The following TAF6 variants were observed in gnomAD, a reference collection of about 807,000 sequenced individuals.
TAF6 encodes TATA-box binding protein associated factor 6, also known as transcription initiation factor TFIID subunit 6.
In TAF6, 50 loss-of-function variants were observed where a neutral mutation model predicts 73.5. That is an observed-to-expected ratio of 0.68 (90% CI 0.54 to 0.86). The LOEUF is 0.86. Ranked by LOEUF, TAF6 falls within the 40% of genes least tolerant of loss-of-function variation. TAF6 has a pLI of 0.00. For synonymous variants in TAF6, 424 were observed against 376.7 expected (o/e 1.13, Z -1.45); for missense variants, 768 against 899.5 (o/e 0.85, Z 1.87).
intron 14 of TAF6, 106 bp from the exon 15 acceptor site, chr7:100,107,729 A>G (rs1426089400): frequency 2.7e-5 from 40 of 1,497,022 alleles, no homozygotes; most frequent in Non-Finnish European, 3.3e-5. Context: ...TTGTTCCTGT[A>G]GTTCACCCTG....
At chr7:100,119,879 G>A (rs765870038), upstream of TAF6, 2 of 1,583,194 alleles carry the variant, frequency 1.3e-6, no homozygotes, top group African/African-American at 2.7e-5. Flanking sequence ...GAAGGGGGTA[G>A]CCCCTATAGG....
At chr7:100,113,838 A>ACC (rs34119670) in intron 3 of TAF6, 30 bp downstream of exon 3, 45 of 1,490,566 alleles carry the variant, frequency 3.0e-5, no homozygotes, top group African/African-American at 9.0e-5. Flanking sequence ...ATGGCGTCTC[A>ACC]CCCCCCCCCC....
chr7:100,118,971 G>A (rs1797913018), intron 1 of TAF6: 1 of 985,354 alleles, frequency 1.0e-6, no homozygotes, highest in African/African-American at 1.7e-5. Flanking sequence ...GGTACCCTCT[G>A]CCAGTAAAGG....
At chr7:100,122,286 A>G (rs1239109297), upstream of TAF6, 10 of 1,614,128 alleles carry the variant, frequency 6.2e-6, no homozygotes, top group Non-Finnish European at 8.5e-6. Context: ...ACAGAGCTAC[A>G]GGCGGAACTG....
chr7:100,114,527 C>G, intron 1 of TAF6: 1 of 600,448 alleles, frequency 1.7e-6, no homozygotes, highest in Non-Finnish European at 3.0e-6. Context: ...CGAGACCAGC[C>G]TGGCCAACAT....
chr7:100,118,940 A>G (rs1797910961), intron 1 of TAF6: 1 of 985,270 alleles, frequency 1.0e-6, no homozygotes, highest in African/African-American at 1.7e-5. Flanking sequence ...GCGAACTCCT[A>G]CGAATCCTTC....
intron 6 of TAF6, 142 bp downstream of exon 6, chr7:100,112,656 A>G: frequency 8.3e-7 from 1 of 1,199,056 alleles, no homozygotes; most frequent in South Asian, 1.8e-5. Flanking sequence ...TGGAGGTTGC[A>G]GTGAGCTGAG....
At position 100,113,740 on chromosome 7, in the gene TAF6, G is replaced by T. The variant is rs770844172; in HGVS notation, c.273C>A (p.Phe91Leu). ...CACCAGAGGCGAAGCGGAAAGGAATGAACTCCTGGGCGTGGAAGCCATAGA... is the reference window on the plus strand; with the variant it reads ...CACCAGAGGCGAAGCGGAAAGGAATTAACTCCTGGGCGTGGAAGCCATAGA... Reference protein sequence around the residue: ...EPLYGFHAQEFIPFRFASGGG... With the variant: ...EPLYGFHAQELIPFRFASGGG... The change falls in exon 4 of 15, where the codon TTC becomes TTA. Residue 91 changes from phenylalanine to leucine, a missense_variant. By Grantham distance (22) the Phe-to-Leu change is conservative (BLOSUM62 0). Transcript: ENST00000453269. The T allele has an allele frequency of 6.2e-7, 1 of 1,613,996 alleles. No homozygotes were observed. Among genetic ancestry groups the T allele is most frequent in the East Asian group, 2.2e-5 (1 of 44,872 alleles).
rs1205190473 is a variant in TAF6, at chr7:100,110,704, G to A, written c.1084-430C>T. Among the ~76,000 whole-genome samples the A allele has an allele frequency of 2.6e-5, 4 of 152,290 alleles. No individual in the cohort carries two copies. The East Asian group carries it at 5.8e-4, about 22-fold the overall frequency. On this transcript the variant is annotated intron_variant, in intron 10 of 14. Coordinates refer to ENST00000453269, the MANE Select transcript of TAF6 (RefSeq NM_139315.3). The stretch of plus-strand genomic sequence containing the variant: ...CACATGCCTGTAATCCCAGCTACTC[G>A]GGAGGCTGAGGCAGGAGAATCATTG...
At position 100,111,803 on chromosome 7, in the gene TAF6, G is replaced by A. The variant is rs1172530458; in HGVS notation, c.825C>T (p.Asn275=). ...EGVRVNVVQN[N]LALLIYLMRM... ...GCATCAGGTAGATGAGTAGGGCCAG[G>A]TTGTTCTGAACCACGTTCACACGGA... Residue 275 remains asparagine (N), a synonymous_variant, in exon 9 of 15, where the codon AAC becomes AAT. Coordinates refer to ENST00000453269, the MANE Select transcript of TAF6 (RefSeq NM_139315.3). The A allele has an allele frequency of 6.2e-7, 1 of 1,614,224 alleles. No homozygotes were observed. The highest frequency in any genetic ancestry group is 8.5e-7 in the Non-Finnish European group (1 of 1,180,034).
At position 100,111,994 on chromosome 7, in the gene TAF6, G is replaced by A; in HGVS notation, c.726C>T (p.Ala242=). ...CAGGGTCCGTGGCAATGCTTTGCAGGGCTTCCTGTGGGAGGAGGGAAGCCA... is the reference window on the plus strand; with the variant it reads ...CAGGGTCCGTGGCAATGCTTTGCAGAGCTTCCTGTGGGAGGAGGGAAGCCA... ...VGSCEAKRAE[A]LQSIATDPGL... The change falls in exon 8 of 15, where the codon GCC becomes GCT. Residue 242 remains alanine, a synonymous_variant. Transcript: ENST00000453269. The A allele has an allele frequency of 6.2e-7, 1 of 1,614,112 alleles. No homozygotes were observed. Among genetic ancestry groups the A allele is most frequent in the Non-Finnish European group, 8.5e-7 (1 of 1,180,004 alleles).
intron 1 of TAF6, chr7:100,118,480 GA>G (rs1244919183): frequency 1.3e-5 from 2 of 151,958 alleles, no homozygotes; most frequent in Non-Finnish European, 2.9e-5. Flanking sequence ...AACATAGTGA[GA>G]CCCCCATTTC....
upstream of TAF6, chr7:100,119,370 C>A (rs1357148355): frequency 4.7e-6 from 5 of 1,052,702 alleles, no homozygotes; most frequent in South Asian, 1.2e-4. Flanking sequence ...CTCGTGGGAG[C>A]AGGTCCTGGC....
In TAF6 at chr7:100,110,002, A is replaced by G. The variant is rs1247835204; in HGVS notation, c.1230T>C (p.Pro410=). 6.2e-7 allele frequency: 1 copy of G among 1,614,170 alleles called. No individual in the cohort carries two copies. The highest frequency in any genetic ancestry group is 8.5e-7 in the Non-Finnish European group (1 of 1,180,026). The change falls in exon 12 of 15, where the codon CCT becomes CCC. Residue 410 remains proline (P), a synonymous_variant. Coordinates refer to ENST00000453269, the MANE Select transcript of TAF6 (RefSeq NM_139315.3). ...GERIRSVLDG[P]VLSNIDRIGA... ...CAATCCGGTCAATGTTGCTCAGCAC[A>G]GGGCCGTCCAGCACACTGCGGATCC...
At chr7:100,118,057 AAAAAC>A (rs1797823734) in intron 1 of TAF6, among the ~76,000 whole-genome samples, 1 of 150,124 alleles carries the variant, frequency 6.7e-6, no homozygotes, top group Non-Finnish European at 1.5e-5. Flanking sequence ...AAAAAAAAAA[AAAAAC>A]AAAAAAAGCA....
At chr7:100,113,433 AT>A (rs1273861070) in intron 4 of TAF6, 28 bp from the exon 5 acceptor site, 1 of 1,557,464 alleles carries the variant, frequency 6.4e-7, no homozygotes, top group Non-Finnish European at 8.7e-7. Flanking sequence ...GTCAAGGTGA[AT>A]TGCCACGCAT....
At chr7:100,126,587 G>A in the TAF6 span, 5 of 152,142 alleles carry the variant, frequency 3.3e-5, no homozygotes, top group Non-Finnish European at 1.5e-5. Flanking sequence ...TGGAGCCCAG[G>A]AGTTCCAGAC....
upstream of TAF6, among the ~76,000 whole-genome samples, chr7:100,123,081 C>T (rs1798116806): frequency 6.6e-6 from 1 of 152,062 alleles, no homozygotes; most frequent in Non-Finnish European, 1.5e-5. Flanking sequence ...GTGGCTCACA[C>T]CTGTAATCCC....
At chr7:100,108,673 CCT>C (rs1796839239) in intron 12 of TAF6, 133 bp from the exon 13 acceptor site, 2 of 964,404 alleles carry the variant, frequency 2.1e-6, no homozygotes, top group African/African-American at 1.6e-5. Context: ...TCTCAGTGCC[CCT>C]GTTGAAGGCC....
Sources: allele counts gnomAD v4.1 joint callset (sites outside exome capture counted in the v4.1 genomes callset), GRCh38; gene constraint gnomAD v4.1.1; transcripts MANE v1.5; gene names NCBI Gene and HGNC (gene_info 2026-07-23, HGNC 2026-07-21).